TTN: variants seen among roughly 807,000 people sequenced by gnomAD.
The protein encoded by TTN is titin.
A neutral mutation model predicts 3,223.0 loss-of-function variants in TTN; 1,525 were observed. The observed-to-expected ratio is 0.47, with a 90% confidence interval of 0.45 to 0.49. The LOEUF is 0.49. Among genes scored for constraint, TTN ranks in the 20% least tolerant of loss-of-function variants. The pLI, the probability that TTN is intolerant of heterozygous loss-of-function variation, is 0.00. For missense variants in TTN, 40,786 were observed against 43,424.0 expected, an observed-to-expected ratio of 0.94 and a Z score of 5.40; for synonymous variants, 14,094 against 15,161.0, an observed-to-expected ratio of 0.93 and a Z score of 5.17.
rs371321664 is a variant in TTN at position 178,624,487 on chromosome 2, A to G, written c.44793T>C (p.Thr14931=). The change falls in exon 242 of 363, where the codon ACT becomes ACC. Residue 14931 remains threonine (T), a synonymous_variant. Coordinates refer to ENST00000589042, the MANE Select transcript of TTN (RefSeq NM_001267550.2). Reference sequence around the variant, plus strand: ...TACGCACGACATTCAGGTTACAGGAAGTCTTAAAATCCTTAGCATCACAAG... The same window carrying G: ...TACGCACGACATTCAGGTTACAGGAGGTCTTAAAATCCTTAGCATCACAAG... ...TYTCDAKDFK[T]SCNLNVVPPH... 8.1e-6 allele frequency: 13 copies of G among 1,612,454 alleles called. No homozygotes were observed. In the African/African-American group the frequency reaches 1.5e-4, roughly 18 times the overall value.
At chr2:178,773,412 G>A (rs1309332363) in intron 32 of TTN, 43 bp from the exon 33 acceptor site, 2 of 1,613,728 alleles carry the variant, frequency 1.2e-6, no homozygotes, top group African/African-American at 2.7e-5. Flanking sequence ...TGTTACACTG[G>A]GAAAGTAGAA....
intron 115 of TTN, 128 bp downstream of exon 115, chr2:178,695,220 A>T: frequency 1.6e-6 from 1 of 636,478 alleles, no homozygotes; most frequent in Non-Finnish European, 2.6e-6. Context: ...AAAAAAAATC[A>T]TTCACAATAA....
At position 178,547,291 on chromosome 2, in the gene TTN, G is replaced by C. The variant is rs757361681; in HGVS notation, c.94234C>G (p.Pro31412Ala). The C allele has an allele frequency of 1.2e-6, 2 of 1,609,094 alleles. No homozygotes were observed. The highest frequency in any genetic ancestry group is 1.7e-6 in the Non-Finnish European group (2 of 1,177,060). ...ACATGGTAGACCTCAGGTCTGGTAGGAGCGCTTGGTGGGACTAAATATAAA... is the reference window on the plus strand; with the variant it reads ...ACATGGTAGACCTCAGGTCTGGTAGCAGCGCTTGGTGGGACTAAATATAAA... ...AEHPFVPPSA[P>A]TRPEVYHVSA... The change falls in exon 340 of 363, where the codon CCT becomes GCT. Residue 31412 changes from proline (P) to alanine (A), a missense_variant. By Grantham distance (27) the Pro-to-Ala change is conservative. Coordinates refer to ENST00000589042, the MANE Select transcript of TTN (RefSeq NM_001267550.2).
In TTN at chr2:178,739,221, T is replaced by G; in HGVS notation, c.14012A>C (p.His4671Pro). The change falls in exon 48 of 363, where the codon CAT (histidine) becomes CCT (proline). Residue 4671 changes from histidine to proline, a missense_variant. By Grantham distance (77) the His-to-Pro change is moderately conservative (BLOSUM62 -2). Coordinates refer to ENST00000589042, the MANE Select transcript of TTN (RefSeq NM_001267550.2). ...GGCCTCACAGACATACTCTCCTTGA[T>G]GGTCTTCGGTATTTACTTTGTCGAT... ...LVIDKVNTED[H>P]QGEYVCEALN... is the part of the protein sequence containing the mutation. 6 of 1,573,706 alleles carry G rather than the reference T, an allele frequency of 3.8e-6. No homozygotes were observed. The highest frequency in any genetic ancestry group is 5.2e-6 in the Non-Finnish European group (6 of 1,156,928).
At chr2:178,604,415 T>C in intron 281 of TTN, 110 bp from the exon 282 acceptor site, 1 of 927,186 alleles carries the variant, frequency 1.1e-6, no homozygotes, top group Non-Finnish European at 1.5e-6. Context: ...AAGAAATAAA[T>C]ATATAGACTC....
In TTN at chr2:178,776,423, T is replaced by C; in HGVS notation, c.5441A>G (p.Gln1814Arg). 1.9e-6 allele frequency: 3 copies of C among 1,610,806 alleles called. No homozygotes were observed. Among genetic ancestry groups the C allele is most frequent in the Non-Finnish European group, 2.5e-6 (3 of 1,179,994 alleles). ...SQLPEGRKGL[Q>R]RIEELERMAH... ...CATTCTCTCTAATTCTTCAATTCTC[T>C]GTAAGCCTTTCCTCCCCTCAGGCAA... is the stretch of plus-strand genomic sequence containing the variant. Residue 1814 changes from glutamine to arginine, a missense_variant, in exon 28 of 363, where the codon CAG becomes CGG. Coordinates refer to ENST00000589042, the MANE Select transcript of TTN (RefSeq NM_001267550.2).
chr2:178,735,083 C>T, intron 50 of TTN, 95 bp from the exon 51 acceptor site: 4 of 1,335,128 alleles, frequency 3.0e-6, no homozygotes, highest in South Asian at 3.4e-5. Context: ...AGACCCAACA[C>T]ACATAAAATA....
chr2:178,630,741 C>T, intron 238 of TTN, 63 bp downstream of exon 238: 1 of 1,558,264 alleles, frequency 6.4e-7, no homozygotes, highest in Admixed American at 2.0e-5. Context: ...CTCTGACTTT[C>T]ACCTGTTCTT....
At position 178,704,430 on chromosome 2, in the gene TTN, A is replaced by G. The variant is rs762013787; in HGVS notation, c.29963-23T>C. Reference sequence around the variant, plus strand: ...GCTCTGTTCATGTGATACAACACGCATTTTGTTCAATATCACACGCAGATG... The same window carrying G: ...GCTCTGTTCATGTGATACAACACGCGTTTTGTTCAATATCACACGCAGATG... On this transcript the variant is annotated intron_variant, in intron 105 of 362. Coordinates refer to ENST00000589042, the MANE Select transcript of TTN (RefSeq NM_001267550.2). 5 of 1,607,002 alleles carry G rather than the reference A, an allele frequency of 3.1e-6. No homozygotes were observed. In the African/African-American group the frequency reaches 4.0e-5, roughly 13 times the overall value.
chr2:178,553,292 T>C lies in TTN; in HGVS notation c.89608A>G (p.Thr29870Ala), dbSNP rs372796632. 1 of 1,609,230 alleles carries C rather than the reference T, an allele frequency of 6.2e-7. No homozygotes were observed. Among genetic ancestry groups the C allele is most frequent in the Non-Finnish European group, 8.5e-7 (1 of 1,179,786 alleles). Residue 29870 changes from threonine to alanine, a missense_variant, in exon 335 of 363, where the codon ACT becomes GCT. Thr to Ala is a moderately conservative substitution (Grantham distance 58). Coordinates refer to ENST00000589042, the MANE Select transcript of TTN (RefSeq NM_001267550.2). The stretch of plus-strand genomic sequence containing the variant: ...TTCTCATCTTTTCTCCATGTGACAG[T>C]AGGTGGAGGTCTGCCTTTAAAGGGA... ...LIPFKGRPPP[T>A]VTWRKDEKNL...
chr2:178,691,927 C>G, intron 121 of TTN, 89 bp downstream of exon 121: 1 of 1,050,408 alleles, frequency 9.5e-7, no homozygotes, highest in Non-Finnish European at 1.4e-6. Flanking sequence ...AGACAAAAGA[C>G]AAAGGCAGCA....
chr2:178,633,467 C>T lies in TTN; in HGVS notation c.42892G>A (p.Glu14298Lys), dbSNP rs778634417. ...IKKADLKDKG[E>K]YVCDCGTDKT... ...TCTGTGCCACAGTCACACACATATT[C>T]GCCTTTATCTTTAAGGTCCGCCTTT... The change falls in exon 232 of 363, where the codon GAA becomes AAA. Residue 14298 changes from glutamate (E) to lysine (K), a missense_variant. Coordinates refer to ENST00000589042, the MANE Select transcript of TTN (RefSeq NM_001267550.2). The T allele has an allele frequency of 1.1e-5, 17 of 1,613,226 alleles. No homozygotes were observed. The highest frequency in any genetic ancestry group is 6.7e-5 in the East Asian group (3 of 44,750).
rs569630571 is a variant in TTN at position 178,590,796 on chromosome 2, C to T, written c.60929G>A (p.Arg20310His). 1.6e-5 allele frequency: 25 copies of T among 1,607,162 alleles called. No individual in the cohort carries two copies. Among genetic ancestry groups the T allele is most frequent in the Middle Eastern group, 3.3e-4 (2 of 6,052 alleles). ...GSPITGYYME[R>H]REVTGKWVRV... is the part of the protein sequence containing the mutation. ...CACCCATTTGCCAGTTACTTCTCGA[C>T]GTTCCATATAGTAGCCAGTTATTGG... The change falls in exon 304 of 363, where the codon CGT becomes CAT. Residue 20310 changes from arginine (R) to histidine (H), a missense_variant. Physicochemically the swap from Arg to His is conservative, Grantham distance 29. Coordinates refer to ENST00000589042, the MANE Select transcript of TTN (RefSeq NM_001267550.2).
rs373876117 is a variant in TTN, at chr2:178,542,558, G to T, written c.97198C>A (p.Pro32400Thr). The stretch of plus-strand genomic sequence containing the variant: ...TTAATAGGTCCTGTTGGTGGACCAG[G>T]CTTGTCTATGAAAGAGAAGAAATAC... The part of the protein sequence containing the change: ...ETIKVIILDK[P>T]GPPTGPIKID... Residue 32400 changes from proline (P) to threonine (T), a missense_variant, in exon 349 of 363, where the codon CCT (proline) becomes ACT (threonine). By Grantham distance (38) the Pro-to-Thr change is conservative. Transcript: ENST00000589042. 1.3e-4 allele frequency: 206 copies of T among 1,600,314 alleles called. No homozygotes were observed. Among genetic ancestry groups the T allele is most frequent in the Admixed American group, 2.4e-4 (14 of 59,422 alleles).
rs727505185 is a variant in TTN, at chr2:178,709,678, G to C, written c.28641C>G (p.Asn9547Lys). ...CTTTCCTGACTTGCAGCACTAACGTGTTGTTCTTGAATGTTATTTCACAGT... is the reference window on the plus strand; with the variant it reads ...CTTTCCTGACTTGCAGCACTAACGTCTTGTTCTTGAATGTTATTTCACAGT... ...TSNCEITFKNNTLVLQVRKAG... is the reference protein window; with the variant it reads ...TSNCEITFKNKTLVLQVRKAG... Residue 9547 changes from asparagine to lysine, a missense_variant, in exon 99 of 363, where the codon AAC becomes AAG. Coordinates refer to ENST00000589042, the MANE Select transcript of TTN (RefSeq NM_001267550.2). 6.2e-7 allele frequency: 1 copy of C among 1,613,866 alleles called. No homozygotes were observed. The highest frequency in any genetic ancestry group is 8.5e-7 in the Non-Finnish European group (1 of 1,179,810).
intron 210 of TTN, 101 bp from the exon 211 acceptor site, chr2:178,649,995 G>T: frequency 7.1e-7 from 1 of 1,408,632 alleles, no homozygotes; most frequent in African/African-American, 1.4e-5. Context: ...GTATATGTGG[G>T]ACCAAATTCT....
intron 282 of TTN, 93 bp downstream of exon 282, chr2:178,603,783 G>T: frequency 2.6e-6 from 3 of 1,176,030 alleles, no homozygotes; most frequent in Non-Finnish European, 3.4e-6. Flanking sequence ...AAAATAATTT[G>T]GCATAGAAAA....
intron 20 of TTN, among the ~76,000 whole-genome samples, chr2:178,781,539 A>G (rs1397140061): frequency 6.6e-6 from 1 of 152,216 alleles, no homozygotes; most frequent in Non-Finnish European, 1.5e-5. Context: ...ATGTTAGCAA[A>G]TGATCAGGTC....
In TTN at chr2:178,675,754, A is replaced by T. The variant is rs1343567723; in HGVS notation, c.34454T>A (p.Val11485Glu). The change falls in exon 149 of 363, where the codon GTG (valine) becomes GAG (glutamate). Residue 11485 changes from valine (V) to glutamate (E), a missense_variant and splice_region_variant. Coordinates refer to ENST00000589042, the MANE Select transcript of TTN (RefSeq NM_001267550.2). Reference sequence around the variant, plus strand: ...CTCAGGTTTCTTAGGTACCACAGACACTTTAAAAATATTATTTTATTTTAT... The same window carrying T: ...CTCAGGTTTCTTAGGTACCACAGACTCTTTAAAAATATTATTTTATTTTAT... ...PKKEEAPPAK[V>E]SVVPKKPEPE... 1 of 1,473,234 alleles carries T rather than the reference A, an allele frequency of 6.8e-7. No homozygotes were observed. Among genetic ancestry groups the T allele is most frequent in the African/African-American group, 1.4e-5 (1 of 70,532 alleles). The allele number at this position is 1,473,234 out of a possible 1,614,324, so 91.3% of individuals were successfully genotyped here. A position where few individuals can be genotyped will look rare whatever the true frequency, so the allele number is the denominator to read the frequency against.
Sources: gnomAD v4.1 joint callset for allele counts (sites outside exome capture counted in the v4.1 genomes callset) on GRCh38, gnomAD v4.1.1 for gene constraint, MANE v1.5 for transcripts, NCBI Gene and HGNC (gene_info 2026-07-23, HGNC 2026-07-21) for gene names.